Variants in HTR4 observed in about 807,000 individuals in gnomAD.
HTR4 encodes the protein 5-hydroxytryptamine (serotonin) receptor 4, G protein-coupled.
A neutral mutation model predicts 36.8 loss-of-function variants in HTR4; 16 were observed. The observed-to-expected ratio is 0.43, with a 90% CI of 0.29 to 0.66. The LOEUF (loss-of-function observed/expected upper bound fraction) is 0.66. Among genes scored for constraint, HTR4 ranks in the 30% least tolerant of loss-of-function variants. HTR4 has a pLI of 0.13. For synonymous variants in HTR4, 189 were observed against 185.1 expected (o/e 1.02, Z -0.17); for missense variants, 438 against 490.9 (o/e 0.89, Z 1.02).
At chr5:148,513,630 T>G (rs572541959) in intron 5 of HTR4, among the ~76,000 whole-genome samples, 3 of 152,192 alleles carry the variant, frequency 2.0e-5, no homozygotes. Context: ...TATTTCCATA[T>G]AAAATTTAAA....
At chr5:148,521,146 C>A (rs1486776881) in intron 5 of HTR4, among the ~76,000 whole-genome samples, 1 of 152,154 alleles carries the variant, frequency 6.6e-6, no homozygotes, top group African/African-American at 2.4e-5. Context: ...GAATATATAT[C>A]CCTGCTAAAG....
intron 1 of HTR4, among the ~76,000 whole-genome samples, chr5:148,649,033 C>T (rs771037883): frequency 9.9e-5 from 15 of 152,038 alleles, no homozygotes; most frequent in Non-Finnish European, 1.5e-4. Context: ...ACTAATACAC[C>T]TAGCCTTCTA....
intron 6 of HTR4, among the ~76,000 whole-genome samples, chr5:148,495,412 A>G (rs1408105910): frequency 1.3e-5 from 2 of 152,310 alleles, no homozygotes; most frequent in East Asian, 3.9e-4. Context: ...GCCCTCAGTT[A>G]TCTGAACTAA....
downstream of HTR4, among the ~76,000 whole-genome samples, chr5:148,480,272 G>A (rs1469372863): frequency 6.6e-6 from 1 of 152,168 alleles, no homozygotes; most frequent in Admixed American, 6.5e-5. Flanking sequence ...ATGAGTTTCT[G>A]TGATTCATAA....
At chr5:148,603,752 G>A (rs1752020064) in intron 2 of HTR4, among the ~76,000 whole-genome samples, 1 of 151,650 alleles carries the variant, frequency 6.6e-6, no homozygotes, top group African/African-American at 2.4e-5. Flanking sequence ...AAGTTAAATT[G>A]AAAGTGATGC....
intron 2 of HTR4, among the ~76,000 whole-genome samples, chr5:148,588,732 G>A (rs1161940594): frequency 6.6e-6 from 1 of 150,744 alleles, no homozygotes; most frequent in East Asian, 1.9e-4. Flanking sequence ...AGTAGAGACG[G>A]GGTTTCACCT....
intron 2 of HTR4, among the ~76,000 whole-genome samples, chr5:148,624,173 G>T (rs925513566): frequency 2.6e-5 from 4 of 152,144 alleles, no homozygotes; most frequent in African/African-American, 9.7e-5. Context: ...TGTAGAAGAG[G>T]AGTAATGCTG....
chr5:148,643,151 T>A (rs1196240056), intron 1 of HTR4, among the ~76,000 whole-genome samples: 1 of 152,204 alleles, frequency 6.6e-6, no homozygotes, highest in Non-Finnish European at 1.5e-5. Context: ...TACTGATACG[T>A]ACAATTAGGA....
chr5:148,513,609 T>C (rs1394064174), intron 5 of HTR4, among the ~76,000 whole-genome samples: 1 of 152,188 alleles, frequency 6.6e-6, no homozygotes, highest in Admixed American at 6.6e-5. Flanking sequence ...TTGGATAATG[T>C]TTTATCTCAG....
Position 148,624,105 on chromosome 5 carries a change from T to C in HTR4, c.26+12884A>G, listed in dbSNP as rs574298739. Among the ~76,000 whole-genome samples, 8 of 152,254 alleles carry C rather than the reference T, an allele frequency of 5.3e-5. 1 individual carries two copies. The highest frequency in any genetic ancestry group is 1.9e-4 in the African/African-American group (8 of 41,554). Reference sequence around the variant, plus strand: ...AAGTCTTAGGGGTTTATGGTTATCGTAGTAGAGACAGTAGAAATAAAATGA... The same window carrying C: ...AAGTCTTAGGGGTTTATGGTTATCGCAGTAGAGACAGTAGAAATAAAATGA... On this transcript the variant is annotated intron_variant, in intron 2 of 6. Transcript: ENST00000377888.
At chr5:148,481,493 A>G (rs1274679653), downstream of HTR4, 1 of 1,367,710 alleles carries the variant, frequency 7.3e-7, no homozygotes, top group Non-Finnish European at 9.9e-7. Flanking sequence ...CTAAAACATG[A>G]CTTTCTCCCC....
At chr5:148,517,468 CAAAT>C (rs1757810538) in intron 5 of HTR4, among the ~76,000 whole-genome samples, 2 of 151,960 alleles carry the variant, frequency 1.3e-5, no homozygotes, top group Non-Finnish European at 2.9e-5. Flanking sequence ...ATAGGTATCT[CAAAT>C]AAGTAAAAAA....
At chr5:148,568,019 C>A (rs753478681) in intron 2 of HTR4, among the ~76,000 whole-genome samples, 1 of 152,222 alleles carries the variant, frequency 6.6e-6, no homozygotes, top group Middle Eastern at 3.4e-3. Flanking sequence ...GTTGGAAATA[C>A]GGTTGTATCA....
chr5:148,473,267 A>T (rs918480803), downstream of HTR4, among the ~76,000 whole-genome samples: 60 of 148,236 alleles, frequency 4.0e-4, no homozygotes, highest in Non-Finnish European at 6.5e-4. Flanking sequence ...GCGCCACTGC[A>T]TTCCAGCCTG....
At chr5:148,560,210 A>ATT (rs1561619882) in intron 2 of HTR4, among the ~76,000 whole-genome samples, 7 of 138,378 alleles carry the variant, frequency 5.1e-5, no homozygotes, top group African/African-American at 1.6e-4. Context: ...TTTTTTAAAA[A>ATT]AAAAAAAAAA....
intron 4 of HTR4, among the ~76,000 whole-genome samples, chr5:148,545,175 AGCTGGAG>A (rs374501182): frequency 1.4e-3 from 211 of 152,354 alleles, no homozygotes; most frequent in African/African-American, 4.8e-3. Context: ...GCTGGAGACA[AGCTGGAG>A]GCAAGATCCC....
chr5:148,601,824 T>G (rs1227062958), intron 2 of HTR4, among the ~76,000 whole-genome samples: 1 of 152,066 alleles, frequency 6.6e-6, no homozygotes, highest in Non-Finnish European at 1.5e-5. Context: ...ATAGGAATTC[T>G]ACCATTTGTG....
chr5:148,504,170 C>T (rs1335535338), intron 6 of HTR4, among the ~76,000 whole-genome samples: 1 of 152,182 alleles, frequency 6.6e-6, no homozygotes, highest in Non-Finnish European at 1.5e-5. Context: ...GAACTCTCCA[C>T]CCCAAATCAA....
At position 148,516,321 on chromosome 5, in the gene HTR4, T is replaced by C. The variant is rs562632597; in HGVS notation, c.508-6297A>G. On this transcript the variant is annotated intron_variant, in intron 5 of 6. Coordinates refer to ENST00000377888, the MANE Select transcript of HTR4 (RefSeq NM_000870.7). ...CATTCAATTCCCCCCTCTTTTTTTT[T>C]TTTTTTTTTTTTTTTTGAGACTAGG... is the stretch of plus-strand genomic sequence containing the variant. Among the ~76,000 whole-genome samples, 11 of 140,018 alleles carry C rather than the reference T, an allele frequency of 7.9e-5. No individual in the cohort carries two copies. In the South Asian group the frequency reaches 2.7e-3, roughly 34 times the overall value. The allele number at this position is 140,018 out of a possible 152,430, so 91.9% of individuals were successfully genotyped here. A position where few individuals can be genotyped will look rare whatever the true frequency, so the allele number is the denominator to read the frequency against.
Sources: allele counts gnomAD v4.1 joint callset (sites outside exome capture counted in the v4.1 genomes callset), GRCh38; gene constraint gnomAD v4.1.1; transcripts MANE v1.5; gene names NCBI Gene and HGNC (gene_info 2026-07-23, HGNC 2026-07-21).